The following HDGFL3 variants were observed in gnomAD, a reference collection of about 807,000 sequenced individuals.
HDGFL3 encodes HDGF like 3.
In HDGFL3, 6 loss-of-function variants were observed where a neutral mutation model predicts 27.6. The observed-to-expected ratio is 0.22, with a 90% CI of 0.12 to 0.43. The LOEUF is 0.43. Ranked by LOEUF, HDGFL3 falls within the 20% of genes least tolerant of loss-of-function variation. The probability of loss-of-function intolerance (pLI) is 1.00; values close to 1 mark genes in which losing one functional copy is unlikely to be tolerated. For synonymous variants in HDGFL3, 88 were observed against 88.9 expected, an observed-to-expected ratio of 0.99 and a Z score of 0.05; for missense variants, 207 against 250.1, an observed-to-expected ratio of 0.83 and a Z score of 1.16.
Position 83,133,736 on chromosome 15 carries a change from A to C in HDGFL3, c.*5534T>G, listed in dbSNP as rs999601975. ...CATGAGAGGCCTTGTGCTGCTGGGA[A>C]CATCACCCAGGAGAAAACCTGCAGC... On this transcript the variant is annotated 3_prime_UTR_variant, in exon 6 of 6. Coordinates refer to ENST00000299633, the MANE Select transcript of HDGFL3 (RefSeq NM_016073.4). 4 of 152,278 alleles carry C rather than the reference A, an allele frequency of 2.6e-5. No homozygotes were observed. Among genetic ancestry groups the C allele is most frequent in the Non-Finnish European group, 4.4e-5 (3 of 68,066 alleles). 9.4% of individuals were successfully genotyped at this position (152,278 alleles called of 1,614,324 possible). A position where few individuals can be genotyped will look rare whatever the true frequency, so the allele number is the denominator to read the frequency against.
chr15:83,207,308 C>A lies in HDGFL3; in HGVS notation c.84+23G>T. The A allele has an allele frequency of 7.5e-7, 1 of 1,335,978 alleles. No homozygotes were observed. 82.8% of individuals were successfully genotyped at this position (1,335,978 alleles called of 1,614,324 possible). On this transcript the variant is annotated intron_variant, in intron 1 of 5. Transcript: ENST00000299633. This position sits in a 1 kb window ranked among gnomAD's most constrained non-coding sequence, Gnocchi z 4.8. Reference sequence around the variant, plus strand: ...AGGGGAAAATGGTGGGCGGGCGGGCCCGCGCGCGGCCGCGGTACTCACCCG... The same window carrying A: ...AGGGGAAAATGGTGGGCGGGCGGGCACGCGCGCGGCCGCGGTACTCACCCG...
intron 1 of HDGFL3, chr15:83,179,257 T>A (rs2037351240): frequency 6.6e-6 from 1 of 152,218 alleles, no homozygotes. Flanking sequence ...GAGCTGTGAG[T>A]ATATGTAACT....
chr15:83,201,540 A>G (rs1446597860), intron 1 of HDGFL3, among the ~76,000 whole-genome samples: 1 of 152,174 alleles, frequency 6.6e-6, no homozygotes, highest in African/African-American at 2.4e-5. Context: ...GTCTCCTACT[A>G]TATTTATTAT....
chr15:83,137,744 AC>A lies in HDGFL3; in HGVS notation c.*1525del, dbSNP rs1302354686. On this transcript the variant is annotated 3_prime_UTR_variant, in exon 6 of 6. Coordinates refer to ENST00000299633, the MANE Select transcript of HDGFL3 (RefSeq NM_016073.4). Reference sequence around the variant, plus strand: ...ATGATAAATGGACTGGTGCTTTCATACCCTTAGCTGCCATCATCACCATCAT... The same window carrying A: ...ATGATAAATGGACTGGTGCTTTCATACCTTAGCTGCCATCATCACCATCAT... The A allele has an allele frequency of 6.6e-6, 1 of 152,098 alleles. No individual in the cohort carries two copies. The highest frequency in any genetic ancestry group is 2.4e-5 in the African/African-American group (1 of 41,444). 9.4% of individuals were successfully genotyped at this position (152,098 alleles called of 1,614,324 possible). A position where few individuals can be genotyped will look rare whatever the true frequency, so the allele number is the denominator to read the frequency against.
intron 5 of HDGFL3, among the ~76,000 whole-genome samples, chr15:83,142,862 A>C (rs1370880143): frequency 6.6e-6 from 1 of 152,230 alleles, no homozygotes; most frequent in Non-Finnish European, 1.5e-5. Context: ...GTCTTTCTGC[A>C]AACTTTTCTG....
intron 5 of HDGFL3, among the ~76,000 whole-genome samples, chr15:83,142,526 G>A (rs541210318): frequency 4.6e-5 from 7 of 152,284 alleles, no homozygotes; most frequent in Admixed American, 3.9e-4. Flanking sequence ...GCCTACTGGA[G>A]GGTAAAGGAG....
chr15:83,118,785 A>G (rs2034938940), intron 3 of HDGFL3, among the ~76,000 whole-genome samples: 1 of 152,210 alleles, frequency 6.6e-6, no homozygotes, highest in African/African-American at 2.4e-5. Context: ...GGCCAAAACA[A>G]CAGTAAAAAT....
At chr15:83,141,437 G>A (rs2036769147) in intron 5 of HDGFL3, among the ~76,000 whole-genome samples, 1 of 152,178 alleles carries the variant, frequency 6.6e-6, no homozygotes, top group Admixed American at 6.5e-5. Flanking sequence ...ATTCAATATG[G>A]CTATGCAGAC....
At chr15:83,163,474 G>C (rs925577532) in intron 2 of HDGFL3, among the ~76,000 whole-genome samples, 2 of 152,148 alleles carry the variant, frequency 1.3e-5, no homozygotes, top group Non-Finnish European at 1.5e-5. Flanking sequence ...TCAAAAGAAA[G>C]AAATAAACTT....
rs1345864797 is a variant in HDGFL3 at position 83,145,294 on chromosome 15, A to G, written c.606+5921T>C. 5.3e-5 allele frequency among the ~76,000 whole-genome samples: 8 copies of G among 152,060 alleles called. No homozygotes were observed. The East Asian group carries it at 1.5e-3, about 29-fold the overall frequency. On this transcript the variant is annotated intron_variant, in intron 5 of 5. Coordinates refer to ENST00000299633, the MANE Select transcript of HDGFL3 (RefSeq NM_016073.4). ...GGCCTCATTTCTTAACAGAACCCCC[A>G]ACCCCATTCTTTAATCTCTTCTACT...
chr15:83,173,576 A>G (rs1242529273), intron 1 of HDGFL3, among the ~76,000 whole-genome samples: 2 of 152,024 alleles, frequency 1.3e-5, no homozygotes, highest in Non-Finnish European at 2.9e-5. Context: ...TCTCTTTCTA[A>G]TCTAGCGATT....
chr15:83,171,825 C>T (rs974222560), intron 1 of HDGFL3, among the ~76,000 whole-genome samples: 10 of 152,096 alleles, frequency 6.6e-5, no homozygotes, highest in African/African-American at 2.4e-4. Flanking sequence ...AATACCTCAG[C>T]ATCACACAAT....
chr15:83,201,185 G>GTT (rs59994589), intron 1 of HDGFL3, among the ~76,000 whole-genome samples: 166 of 147,650 alleles, frequency 1.1e-3, no homozygotes, highest in Non-Finnish European at 1.8e-3. Context: ...TGAATGACTA[G>GTT]TTTTTTTTTT....
chr15:83,167,382 C>T (rs2037184869), intron 1 of HDGFL3, among the ~76,000 whole-genome samples: 1 of 152,038 alleles, frequency 6.6e-6, no homozygotes, highest in South Asian at 2.1e-4. Flanking sequence ...ATGGTGAAAC[C>T]CTGTCTCTAC....
chr15:83,160,517 G>C (rs1486242112), intron 2 of HDGFL3, among the ~76,000 whole-genome samples: 1 of 143,362 alleles, frequency 7.0e-6, no homozygotes, highest in African/African-American at 2.6e-5. Context: ...AAATAAGAAG[G>C]AGTTGGTATT....
chr15:83,206,956 T>A (rs1431906536), intron 1 of HDGFL3, among the ~76,000 whole-genome samples: 1 of 152,188 alleles, frequency 6.6e-6, no homozygotes. Flanking sequence ...TGCCCCGACG[T>A]TCGCCCGGGA....
chr15:83,168,926 A>G (rs1191959408), intron 1 of HDGFL3, among the ~76,000 whole-genome samples: 1 of 152,204 alleles, frequency 6.6e-6, no homozygotes, highest in East Asian at 1.9e-4. Flanking sequence ...TTAATTCACC[A>G]TGATCAAGCA....
At chr15:83,174,533 T>A (rs2037286177) in intron 1 of HDGFL3, among the ~76,000 whole-genome samples, 1 of 149,126 alleles carries the variant, frequency 6.7e-6, no homozygotes, top group African/African-American at 2.5e-5. Context: ...ATCTGTATAA[T>A]ATGAATTGTA....
At chr15:83,185,328 C>T (rs748784902) in intron 1 of HDGFL3, among the ~76,000 whole-genome samples, 5 of 152,186 alleles carry the variant, frequency 3.3e-5, no homozygotes, top group Non-Finnish European at 7.3e-5. Flanking sequence ...GCTTGGAGAG[C>T]TTAAGATAAG....
Sources: allele counts gnomAD v4.1 joint callset (sites outside exome capture counted in the v4.1 genomes callset), GRCh38; gene constraint gnomAD v4.1.1; non-coding constraint Gnocchi (gnomAD v3.1); transcripts MANE v1.5; gene names NCBI Gene and HGNC (gene_info 2026-07-23, HGNC 2026-07-21).